The following ZFYVE26 variants were observed in gnomAD, a reference collection of about 807,000 sequenced individuals.
ZFYVE26 encodes the protein zinc finger FYVE-type containing 26, also known as zinc finger FYVE domain-containing protein 26.
Under a neutral mutation model 276.5 loss-of-function variants are expected in ZFYVE26, and 181 were observed. That is an observed-to-expected ratio of 0.65 (90% CI 0.58 to 0.74). The LOEUF is 0.74. Ranked by LOEUF, ZFYVE26 falls within the 30% of genes least tolerant of loss-of-function variation. The pLI is 0.00. For synonymous variants in ZFYVE26, 1,129 were observed against 1,203.1 expected, an observed-to-expected ratio of 0.94 and a Z score of 1.27; for missense variants, 2,821 against 3,097.9, an observed-to-expected ratio of 0.91 and a Z score of 2.12.
rs972138821 is a variant in ZFYVE26, at chr14:67,748,300, G to T, written c.*136C>A. ...TATCCTTGCCCGGGAAGGCAAGTAG[G>T]GTCCAATCCAACTCTTTCCAACCTA... is the stretch of plus-strand genomic sequence containing the variant. On this transcript the variant is annotated 3_prime_UTR_variant, in exon 42 of 42. Transcript: ENST00000347230. The T allele has an allele frequency of 3.1e-6, 3 of 961,230 alleles. No homozygotes were observed. Among genetic ancestry groups the T allele is most frequent in the African/African-American group, 3.3e-5 (2 of 61,474 alleles). The allele number at this position is 961,230 out of a possible 1,614,324, so 59.5% of individuals were successfully genotyped here.
Position 67,789,519 on chromosome 14 carries a change from C to CTTA in ZFYVE26, c.2834_2835insTAA (p.Glu945delinsAspLys). The CTTA allele has an allele frequency of 6.2e-7, 1 of 1,614,164 alleles. No individual in the cohort carries two copies. The highest frequency in any genetic ancestry group is 8.5e-7 in the Non-Finnish European group (1 of 1,180,048). ...CTAGAGCCGTGCTTATCCAAAAGTC[C>CTTA]TCCTGGAGCATGGGGATGGGGTCTC... is the stretch of plus-strand genomic sequence containing the variant. On this transcript the variant is annotated protein_altering_variant, in exon 16 of 42. Transcript: ENST00000347230.
chr14:67,769,718 G>T lies in ZFYVE26; in HGVS notation c.5497C>A (p.His1833Asn), dbSNP rs2039155452. 3 of 1,614,090 alleles carry T rather than the reference G, an allele frequency of 1.9e-6. No individual in the cohort carries two copies. The highest frequency in any genetic ancestry group is 2.5e-6 in the Non-Finnish European group (3 of 1,180,030). The change falls in exon 29 of 42, where the codon CAT becomes AAT. Residue 1833 changes from histidine to asparagine, a missense_variant. Physicochemically the swap from His to Asn is moderately conservative, Grantham distance 68. Coordinates refer to ENST00000347230, the MANE Select transcript of ZFYVE26 (RefSeq NM_015346.4). ...REHFTMFNRR[H>N]HCRRCGRLVC... ...AGCCGGCCACAGCGGCGACAATGAT[G>T]ACGCCTGTTAAACTGAGGAATGCCA... is the stretch of plus-strand genomic sequence containing the variant.
chr14:67,739,091 T>C (rs1441794255), intron 13 of ZFYVE26, among the ~76,000 whole-genome samples: 1 of 152,224 alleles, frequency 6.6e-6, no homozygotes, highest in Non-Finnish European at 1.5e-5. Context: ...AAAAGTCACG[T>C]GGCTCAATCA....
At chr14:67,750,707 C>T in intron 41 of ZFYVE26, 2 of 381,800 alleles carry the variant, frequency 5.2e-6, no homozygotes, top group Non-Finnish European at 1.0e-5. Context: ...CTGGGAACCT[C>T]AATCCATCAG....
chr14:67,786,262 C>CAAAAAAAAAATAA, intron 16 of ZFYVE26, 29 bp from the exon 17 acceptor site: 1 of 1,281,226 alleles, frequency 7.8e-7, no homozygotes, highest in Non-Finnish European at 1.0e-6. Flanking sequence ...AGAGGGAATG[C>CAAAAAAAAAATAA]AAAAAAAAAA....
At chr14:67,786,776 T>C (rs891939164) in intron 16 of ZFYVE26, among the ~76,000 whole-genome samples, 1 of 152,224 alleles carries the variant, frequency 6.6e-6, no homozygotes, top group Non-Finnish European at 1.5e-5. Flanking sequence ...AGCCAAGATT[T>C]TGAAGCAACC....
chr14:67,798,000 C>A lies in ZFYVE26; in HGVS notation c.2248+14G>T. On this transcript the variant is annotated intron_variant, in intron 11 of 41. Transcript: ENST00000347230. The stretch of plus-strand genomic sequence containing the variant: ...CTCCACCTTCTGGTCCCACCAGTTC[C>A]ACCCTTCTCTCACCTGAACGATGGT... 2 of 1,614,034 alleles carry A rather than the reference C, an allele frequency of 1.2e-6. No homozygotes were observed. Among genetic ancestry groups the A allele is most frequent in the South Asian group, 2.2e-5 (2 of 91,068 alleles).
In ZFYVE26 at chr14:67,772,186, C is replaced by T. The variant is rs763959362; in HGVS notation, c.5345G>A (p.Ser1782Asn). ...PPGISSIHSPSLRERSFPPTQ... is the reference protein window; with the variant it reads ...PPGISSIHSPNLRERSFPPTQ... The stretch of plus-strand genomic sequence containing the variant: ...TGGTGGGAAACTCCTTTCCCTTAGA[C>T]TAGGGGAATGTATACTGGAGATACC... The change falls in exon 28 of 42, where the codon AGT becomes AAT. Residue 1782 changes from serine to asparagine, a missense_variant. Ser to Asn is a conservative substitution (Grantham distance 46). Transcript: ENST00000347230. The T allele has an allele frequency of 1.9e-6, 3 of 1,613,086 alleles. No individual in the cohort carries two copies. The highest frequency in any genetic ancestry group is 2.2e-5 in the South Asian group (2 of 90,822).
At chr14:67,805,378 G>A in intron 7 of ZFYVE26, 73 bp from the exon 8 acceptor site, 1 of 1,613,244 alleles carries the variant, frequency 6.2e-7, no homozygotes. Flanking sequence ...TGATTTTAGG[G>A]CTCTGCATTC....
intron 27 of ZFYVE26, among the ~76,000 whole-genome samples, chr14:67,774,287 C>T (rs1029615844): frequency 6.6e-6 from 1 of 152,174 alleles, no homozygotes; most frequent in Non-Finnish European, 1.5e-5. Context: ...AGGTGGATCA[C>T]CTGTGGTTCG....
At chr14:67,752,187 G>C (rs959277623) in intron 40 of ZFYVE26, among the ~76,000 whole-genome samples, 157 bp downstream of exon 40, 4 of 152,188 alleles carry the variant, frequency 2.6e-5, no homozygotes, top group African/African-American at 9.7e-5. Flanking sequence ...TTACAGGGAA[G>C]GGTCAATTAT....
chr14:67,807,233 C>T (rs531546974), intron 5 of ZFYVE26, among the ~76,000 whole-genome samples, 165 bp downstream of exon 5: 1 of 152,332 alleles, frequency 6.6e-6, no homozygotes, highest in South Asian at 2.1e-4. Flanking sequence ...GCCTGAGCCA[C>T]CATGCCAGGC....
At chr14:67,742,391 T>C (rs2038424604), downstream of ZFYVE26, among the ~76,000 whole-genome samples, 1 of 152,242 alleles carries the variant, frequency 6.6e-6, no homozygotes, top group Non-Finnish European at 1.5e-5. Flanking sequence ...ATGGTTAAAA[T>C]GTTAAATTTT....
chr14:67,775,606 G>A (rs2039321017), intron 26 of ZFYVE26, among the ~76,000 whole-genome samples: 1 of 152,136 alleles, frequency 6.6e-6, no homozygotes, highest in African/African-American at 2.4e-5. Flanking sequence ...ACCATTTCCA[G>A]CATATTTTGC....
In ZFYVE26 at chr14:67,798,786, T is replaced by C. The variant is rs867862963; in HGVS notation, c.1640-164A>G. On this transcript the variant is annotated intron_variant, in intron 10 of 41. Coordinates refer to ENST00000347230, the MANE Select transcript of ZFYVE26 (RefSeq NM_015346.4). Reference sequence around the variant, plus strand: ...GTTACAGTGAGAAGAATAAGAGACTTAGGATGTCTTTTAATGATTTGCAGA... The same window carrying C: ...GTTACAGTGAGAAGAATAAGAGACTCAGGATGTCTTTTAATGATTTGCAGA... Among the ~76,000 whole-genome samples the C allele has an allele frequency of 5.9e-5, 9 of 152,338 alleles. No individual in the cohort carries two copies. The South Asian group carries it at 1.9e-3, about 32-fold the overall frequency.
chr14:67,754,534 T>C (rs546657491), intron 37 of ZFYVE26, among the ~76,000 whole-genome samples: 5 of 152,184 alleles, frequency 3.3e-5, no homozygotes, highest in African/African-American at 4.8e-5. Context: ...TCAGAGTTTA[T>C]AGGCTGGAAG....
downstream of ZFYVE26, among the ~76,000 whole-genome samples, chr14:67,743,810 T>A (rs1235606315): frequency 6.6e-6 from 1 of 152,060 alleles, no homozygotes; most frequent in Non-Finnish European, 1.5e-5. Context: ...AATTTGTCTT[T>A]AAGTGGGATG....
At chr14:67,773,031 C>A (rs1004071600) in intron 27 of ZFYVE26, among the ~76,000 whole-genome samples, 9 of 152,022 alleles carry the variant, frequency 5.9e-5, no homozygotes, top group Non-Finnish European at 2.9e-5. Flanking sequence ...TTATTTAGAT[C>A]TTGAGTCTGG....
At position 67,809,231 on chromosome 14, in the gene ZFYVE26, A is replaced by G; in HGVS notation, c.332T>C (p.Leu111Pro). 1 of 1,614,066 alleles carries G rather than the reference A, an allele frequency of 6.2e-7. No individual in the cohort carries two copies. Among genetic ancestry groups the G allele is most frequent in the Non-Finnish European group, 8.5e-7 (1 of 1,179,994 alleles). ...GATGTTCTCTGGAATGTCACCTTGG[A>G]GGTCTTCTGACAATAAAAGAAACTC... ...KLEFLLLSED[L>P]QGDIPENILE... Residue 111 changes from leucine to proline, a missense_variant, in exon 4 of 42, where the codon CTC (leucine) becomes CCC (proline). Transcript: ENST00000347230.
Sources: allele counts gnomAD v4.1 joint callset (sites outside exome capture counted in the v4.1 genomes callset), GRCh38; gene constraint gnomAD v4.1.1; transcripts MANE v1.5; gene names NCBI Gene and HGNC (gene_info 2026-07-23, HGNC 2026-07-21).